Variants in CUX2 observed in about 807,000 individuals in gnomAD.
CUX2 encodes the protein cut like homeobox 2, also known as homeobox protein cut-like 2.
Under a neutral mutation model 144.8 loss-of-function variants are expected in CUX2, and 40 were observed. That is an observed-to-expected ratio of 0.28 (90% CI 0.21 to 0.36). The LOEUF (loss-of-function observed/expected upper bound fraction) is 0.36. Ranked by LOEUF, CUX2 falls within the 10% of genes least tolerant of loss-of-function variation. The pLI is 1.00. For synonymous variants in CUX2, 827 were observed against 875.6 expected (o/e 0.94, Z 0.98); for missense variants, 1,615 against 1,994.0 (o/e 0.81, Z 3.62).
At chr12:111,043,747 T>A (rs1479073814) in intron 1 of CUX2, among the ~76,000 whole-genome samples, 1 of 152,126 alleles carries the variant, frequency 6.6e-6, no homozygotes, top group Non-Finnish European at 1.5e-5. Context: ...ATGAGAAGAC[T>A]ATGCCTCTGA....
chr12:111,094,449 C>T (rs1394996358), intron 1 of CUX2, among the ~76,000 whole-genome samples: 2 of 152,256 alleles, frequency 1.3e-5, no homozygotes, highest in East Asian at 1.9e-4. Context: ...GGTCAGAGAC[C>T]TGTGTCTTCC....
chr12:111,289,130 G>C lies in CUX2; in HGVS notation c.302-2288G>C, dbSNP rs1018985812. On this transcript the variant is annotated intron_variant, in intron 4 of 21. Coordinates refer to ENST00000261726, the MANE Select transcript of CUX2 (RefSeq NM_015267.4). This position sits in a 1 kb window ranked among gnomAD's most constrained non-coding sequence, Gnocchi z 4.1. ...AGAGCCAGATTCTGTCTCAAAAAAA[G>C]AAAAAAGGAAAAAAGAAAATTCTGG... is the stretch of plus-strand genomic sequence containing the variant. 1.3e-5 allele frequency among the ~76,000 whole-genome samples: 2 copies of C among 151,746 alleles called. No homozygotes were observed. Among genetic ancestry groups the C allele is most frequent in the Admixed American group, 6.6e-5 (1 of 15,200 alleles).
chr12:111,305,103 C>T (rs1054412509), intron 10 of CUX2, among the ~76,000 whole-genome samples: 2 of 152,152 alleles, frequency 1.3e-5, no homozygotes, highest in African/African-American at 4.8e-5. Flanking sequence ...AGTGTCATTT[C>T]TTGACAAGAG....
At chr12:111,290,449 A>C (rs1231994039) in intron 4 of CUX2, among the ~76,000 whole-genome samples, 1 of 151,976 alleles carries the variant, frequency 6.6e-6, no homozygotes, top group Non-Finnish European at 1.5e-5. Context: ...TTTTTTTGAG[A>C]TGGAGCCTTA....
chr12:111,065,077 T>C (rs1870964405), intron 1 of CUX2, among the ~76,000 whole-genome samples: 1 of 152,218 alleles, frequency 6.6e-6, no homozygotes, highest in African/African-American at 2.4e-5. Flanking sequence ...CCATGTGTTT[T>C]GTAATTTTGG....
intron 18 of CUX2, among the ~76,000 whole-genome samples, chr12:111,333,567 A>G (rs1888210511): frequency 6.6e-6 from 1 of 152,092 alleles, no homozygotes; most frequent in South Asian, 2.1e-4. Flanking sequence ...TGGTTGCCTG[A>G]TGTTCCCTTG....
chr12:111,183,689 A>G (rs1029344160), intron 1 of CUX2, among the ~76,000 whole-genome samples: 1 of 152,176 alleles, frequency 6.6e-6, no homozygotes. Flanking sequence ...GGCTGATGAC[A>G]GTGCATCCCT....
At chr12:111,252,381 G>T (rs1028423598) in intron 3 of CUX2, among the ~76,000 whole-genome samples, 4 of 152,216 alleles carry the variant, frequency 2.6e-5, no homozygotes, top group Admixed American at 2.6e-4. Context: ...CAGAACCCAG[G>T]TCTCCTCACC....
chr12:111,320,002 C>G lies in CUX2; in HGVS notation c.2003-10C>G. On this transcript the variant is annotated splice_polypyrimidine_tract_variant and intron_variant, in intron 16 of 21. Transcript: ENST00000261726. This position sits in a 1 kb window ranked among gnomAD's most constrained non-coding sequence, Gnocchi z 8.1. ...CTGGGCCTCGGGCCGTCCTGTCCCC[C>G]TCCCCGCAGGCGAGCCCAAGACCTC... 1 of 1,494,318 alleles carries G rather than the reference C, an allele frequency of 6.7e-7. No homozygotes were observed. Among genetic ancestry groups the G allele is most frequent in the Non-Finnish European group, 8.9e-7 (1 of 1,128,622 alleles). 92.6% of individuals were successfully genotyped at this position (1,494,318 alleles called of 1,614,324 possible).
Position 111,350,130 on chromosome 12 carries a change from A to G in CUX2, c.*1805A>G, listed in dbSNP as rs999820093. ...ATGAAGGTATTTTTATATTTTGACA[A>G]TAGGAAACAGTGACCATTTTCAGAG... On this transcript the variant is annotated 3_prime_UTR_variant, in exon 22 of 22. Coordinates refer to ENST00000261726, the MANE Select transcript of CUX2 (RefSeq NM_015267.4). 21 of 152,592 alleles carry G rather than the reference A, an allele frequency of 1.4e-4. No homozygotes were observed. The highest frequency in any genetic ancestry group is 4.8e-4 in the African/African-American group (20 of 41,458). The allele number at this position is 152,592 out of a possible 1,614,324, so 9.5% of individuals were successfully genotyped here. A position where few individuals can be genotyped will look rare whatever the true frequency, so the allele number is the denominator to read the frequency against.
intron 4 of CUX2, among the ~76,000 whole-genome samples, chr12:111,288,407 C>T (rs1333357509): frequency 6.6e-6 from 1 of 152,004 alleles, no homozygotes; most frequent in Non-Finnish European, 1.5e-5. Context: ...TTGCCAAAGT[C>T]ATACAGCAAT....
chr12:111,218,339 C>A (rs778475678), intron 3 of CUX2, among the ~76,000 whole-genome samples: 3 of 151,906 alleles, frequency 2.0e-5, no homozygotes, highest in Non-Finnish European at 4.4e-5. Context: ...CATAGCAAGA[C>A]CCCCATCTCT....
At chr12:111,121,503 A>C (rs1322224600) in intron 1 of CUX2, among the ~76,000 whole-genome samples, 1 of 148,830 alleles carries the variant, frequency 6.7e-6, no homozygotes, top group Non-Finnish European at 1.5e-5. Context: ...CAGCCTCCCG[A>C]GTAGCTGGGA....
At chr12:111,222,445 A>G (rs1394891024) in intron 3 of CUX2, among the ~76,000 whole-genome samples, 1 of 152,122 alleles carries the variant, frequency 6.6e-6, no homozygotes, top group African/African-American at 2.4e-5. Flanking sequence ...TTTTTCTTCC[A>G]CCATAAAGGG....
chr12:111,082,916 A>C (rs541642720), intron 1 of CUX2, among the ~76,000 whole-genome samples: 116 of 152,242 alleles, frequency 7.6e-4, no homozygotes, highest in African/African-American at 2.8e-3. Context: ...ATGGGGAGCC[A>C]TGGAGGACAT....
intron 3 of CUX2, among the ~76,000 whole-genome samples, chr12:111,254,515 G>A (rs767256212): frequency 1.8e-4 from 27 of 152,212 alleles, no homozygotes; most frequent in Middle Eastern, 3.2e-3. Context: ...GGTTCAAAAT[G>A]AATTAATGAC....
intron 19 of CUX2, among the ~76,000 whole-genome samples, chr12:111,336,802 T>C (rs1481805968): frequency 2.6e-5 from 4 of 151,966 alleles, no homozygotes; most frequent in Non-Finnish European, 5.9e-5. Context: ...TATAAGAACA[T>C]ATATACACTT....
At position 111,347,916 on chromosome 12, in the gene CUX2, C is replaced by T. The variant is rs1046978197; in HGVS notation, c.4052C>T (p.Pro1351Leu). Reference sequence around the variant, plus strand: ...AAAGTGGCTCCCGGGCCCCTCCTTCCAGGTGGATCCACCCCAGACTGTCCC... The same window carrying T: ...AAAGTGGCTCCCGGGCCCCTCCTTCTAGGTGGATCCACCCCAGACTGTCCC... ...LPKVAPGPLL[P>L]GGSTPDCPSL... Residue 1351 changes from proline to leucine, a missense_variant, in exon 22 of 22, where the codon CCA (proline) becomes CTA (leucine). Coordinates refer to ENST00000261726, the MANE Select transcript of CUX2 (RefSeq NM_015267.4). 3 of 1,614,140 alleles carry T rather than the reference C, an allele frequency of 1.9e-6. No homozygotes were observed. Among genetic ancestry groups the T allele is most frequent in the Non-Finnish European group, 8.5e-7 (1 of 1,180,026 alleles).
Position 111,150,566 on chromosome 12 carries a change from T to C in CUX2, c.64-63634T>C, listed in dbSNP as rs146555548. Among the ~76,000 whole-genome samples, 316 of 152,244 alleles carry C rather than the reference T, an allele frequency of 2.1e-3. 1 individual carries two copies. The highest frequency in any genetic ancestry group is 0.01 in the Middle Eastern group (3 of 294). On this transcript the variant is annotated intron_variant, in intron 1 of 21. Transcript: ENST00000261726. ...AAACACAACAACAGATGAGTGGGTG[T>C]GGACAGGAAGGCAGTTAGGGAAGGG...
Sources: gnomAD v4.1 joint callset for allele counts (sites outside exome capture counted in the v4.1 genomes callset) on GRCh38, gnomAD v4.1.1 for gene constraint, Gnocchi (gnomAD v3.1) non-coding constraint, MANE v1.5 for transcripts, NCBI Gene and HGNC (gene_info 2026-07-23, HGNC 2026-07-21) for gene names.